STK39: variants seen among roughly 807,000 people sequenced by gnomAD.
STK39 encodes the protein STE20/SPS1-related proline-alanine-rich protein kinase.
STK39 carries 20 observed loss-of-function variants against 77.8 expected under a neutral mutation model. The observed-to-expected ratio is 0.26, with a 90% CI of 0.18 to 0.37. The LOEUF is 0.37. Among genes scored for constraint, STK39 ranks in the 10% least tolerant of loss-of-function variants. The probability of loss-of-function intolerance (pLI) is 1.00; values close to 1 mark genes in which losing one functional copy is unlikely to be tolerated. For synonymous variants in STK39, 246 were observed against 234.1 expected (o/e 1.05, Z -0.47); for missense variants, 479 against 656.5 (o/e 0.73, Z 2.95).
chr2:168,139,895 G>GA (rs901727430), intron 7 of STK39, among the ~76,000 whole-genome samples: 64 of 147,408 alleles, frequency 4.3e-4, no homozygotes, highest in African/African-American at 9.2e-4. Context: ...TAAAAAGAAA[G>GA]AAAAAAAAAA....
intron 10 of STK39, among the ~76,000 whole-genome samples, chr2:168,098,607 G>A (rs1218506668): frequency 6.6e-6 from 1 of 152,138 alleles, no homozygotes; most frequent in African/African-American, 2.4e-5. Flanking sequence ...GCTATCCCCT[G>A]CTTTTATTTT....
chr2:167,996,675 A>ATAAGCATGG (rs1683849135), intron 16 of STK39, among the ~76,000 whole-genome samples: 1 of 152,224 alleles, frequency 6.6e-6, no homozygotes, highest in Non-Finnish European at 1.5e-5. Flanking sequence ...CTTGAGGCCT[A>ATAAGCATGG]TAAGCATGGC....
At chr2:168,035,986 C>G (rs1684942165) in intron 14 of STK39, among the ~76,000 whole-genome samples, 1 of 152,116 alleles carries the variant, frequency 6.6e-6, no homozygotes, top group African/African-American at 2.4e-5. Context: ...CTTCACATTT[C>G]CTAAAATTAA....
intron 16 of STK39, among the ~76,000 whole-genome samples, chr2:168,003,720 A>G (rs1156674332): frequency 1.3e-5 from 2 of 152,232 alleles, no homozygotes; most frequent in Non-Finnish European, 2.9e-5. Context: ...ACTCAGCTGT[A>G]TTTATTGACA....
At position 167,955,401 on chromosome 2, in the gene STK39, G is replaced by T. The variant is rs982118137; in HGVS notation, c.*95C>A. 6.7e-6 allele frequency: 8 copies of T among 1,196,218 alleles called. No homozygotes were observed. In the South Asian group the frequency reaches 7.1e-5, roughly 11 times the overall value. The allele number at this position is 1,196,218 out of a possible 1,614,324, so 74.1% of individuals were successfully genotyped here. On this transcript the variant is annotated 3_prime_UTR_variant, in exon 18 of 18. Coordinates refer to ENST00000355999, the MANE Select transcript of STK39 (RefSeq NM_013233.3). ...TGATTTTGCTAGGAAATGGGAGTGAGGGGGTGGGAGGAAATGGGCAGAAAG... is the reference window on the plus strand; with the variant it reads ...TGATTTTGCTAGGAAATGGGAGTGATGGGGTGGGAGGAAATGGGCAGAAAG...
intron 14 of STK39, among the ~76,000 whole-genome samples, chr2:168,019,032 T>C (rs1259692538): frequency 1.3e-5 from 2 of 152,058 alleles, no homozygotes; most frequent in African/African-American, 4.8e-5. Flanking sequence ...TATGAGAGCC[T>C]TGGACCTTGA....
intron 1 of STK39, among the ~76,000 whole-genome samples, chr2:168,222,175 T>C (rs917096665): frequency 2.0e-5 from 3 of 152,184 alleles, no homozygotes; most frequent in African/African-American, 7.2e-5. Flanking sequence ...CCTACAGTGT[T>C]TTCACTTGGT....
intron 16 of STK39, among the ~76,000 whole-genome samples, chr2:167,981,344 G>A (rs1464080989): frequency 6.6e-6 from 1 of 152,226 alleles, no homozygotes; most frequent in Admixed American, 6.5e-5. Flanking sequence ...GGATCACACT[G>A]TAAGTGGCAC....
At chr2:168,113,533 G>GA in intron 10 of STK39, among the ~76,000 whole-genome samples, 1 of 152,362 alleles carries the variant, frequency 6.6e-6, no homozygotes, top group African/African-American at 2.4e-5. Context: ...AGTGGGCAAA[G>GA]AGAGGAAAGT....
chr2:168,216,077 T>G (rs969799837), intron 1 of STK39, among the ~76,000 whole-genome samples: 1 of 152,152 alleles, frequency 6.6e-6, no homozygotes, highest in Non-Finnish European at 1.5e-5. Flanking sequence ...GTAAAAGCAA[T>G]GTGAGGAGAA....
chr2:168,179,158 T>C (rs775031415), intron 2 of STK39, among the ~76,000 whole-genome samples: 7 of 152,152 alleles, frequency 4.6e-5, no homozygotes, highest in Non-Finnish European at 5.9e-5. Context: ...GCACAGTCTG[T>C]GAGACGATGC....
intron 1 of STK39, among the ~76,000 whole-genome samples, chr2:168,214,029 C>T (rs150666332): frequency 6.6e-5 from 10 of 152,148 alleles, no homozygotes; most frequent in South Asian, 2.1e-4. Flanking sequence ...GCTCTGAAAT[C>T]GCCCACGTGA....
intron 10 of STK39, among the ~76,000 whole-genome samples, chr2:168,085,362 C>T (rs925433719): frequency 2.0e-5 from 3 of 152,208 alleles, no homozygotes; most frequent in African/African-American, 7.2e-5. Flanking sequence ...TCCAGAACTC[C>T]CATGGACCTG....
intron 16 of STK39, among the ~76,000 whole-genome samples, chr2:167,981,905 GA>G (rs1683429741): frequency 6.6e-6 from 1 of 152,194 alleles, no homozygotes; most frequent in African/African-American, 2.4e-5. Context: ...AGATCTTGCA[GA>G]TAACACAAAG....
chr2:168,010,292 G>C (rs1243167688), intron 16 of STK39, among the ~76,000 whole-genome samples: 1 of 152,114 alleles, frequency 6.6e-6, no homozygotes, highest in Non-Finnish European at 1.5e-5. Context: ...TTAATTAACT[G>C]TTCTATTTCT....
In STK39 at chr2:168,144,604, C is replaced by T. The variant is rs563373321; in HGVS notation, c.629-3846G>A. On this transcript the variant is annotated intron_variant, in intron 5 of 17. Transcript: ENST00000355999. ...TATAAGCATGAGCCACCATGCCGAG[C>T]CTCAATTTCTATATTACTTTCATAT... Among the ~76,000 whole-genome samples, 16 of 151,878 alleles carry T rather than the reference C, an allele frequency of 1.1e-4. No individual in the cohort carries two copies. The East Asian group carries it at 3.1e-3, about 30-fold the overall frequency.
At chr2:168,215,326 T>C (rs117920021) in intron 1 of STK39, among the ~76,000 whole-genome samples, 1 of 152,294 alleles carries the variant, frequency 6.6e-6, no homozygotes, top group East Asian at 1.9e-4. Context: ...AAAAAAACGT[T>C]AGCTGGATAA....
intron 5 of STK39, among the ~76,000 whole-genome samples, chr2:168,151,162 CCTAT>C (rs1688270950): frequency 6.6e-6 from 1 of 152,040 alleles, no homozygotes; most frequent in African/African-American, 2.4e-5. Flanking sequence ...ATCCATCTTC[CCTAT>C]CTATTAATGA....
chr2:168,070,700 G>C (rs1310374621), intron 12 of STK39, among the ~76,000 whole-genome samples: 1 of 150,756 alleles, frequency 6.6e-6, no homozygotes, highest in African/African-American at 2.4e-5. Flanking sequence ...GCGGTGTTTG[G>C]TTCTCTGTCC....
Sources: allele counts gnomAD v4.1 joint callset (sites outside exome capture counted in the v4.1 genomes callset), GRCh38; gene constraint gnomAD v4.1.1; transcripts MANE v1.5; gene names NCBI Gene and HGNC (gene_info 2026-07-23, HGNC 2026-07-21).